Variants in BACH2 observed in about 807,000 individuals in gnomAD.
BACH2 encodes BACH transcriptional regulator 2.
Under a neutral mutation model 61.8 loss-of-function variants are expected in BACH2, and 5 were observed. The ratio of observed to expected loss-of-function variants is 0.08; its 90% CI spans 0.04 to 0.17. The LOEUF (loss-of-function observed/expected upper bound fraction) is 0.17. Among genes scored for constraint, BACH2 ranks in the 10% least tolerant of loss-of-function variants. The pLI is 1.00. For missense variants in BACH2, 824 were observed against 1,091.1 expected (o/e 0.76, Z 3.45); for synonymous variants, 446 against 440.1 (o/e 1.01, Z -0.17).
At chr6:90,225,952 C>T (rs559757540) in intron 3 of BACH2, among the ~76,000 whole-genome samples, 1 of 152,108 alleles carries the variant, frequency 6.6e-6, no homozygotes, top group Non-Finnish European at 1.5e-5. Context: ...CCTAAGGCCA[C>T]CAGCATTACC....
chr6:89,958,756 G>C (rs537190915), intron 6 of BACH2, among the ~76,000 whole-genome samples: 1 of 152,150 alleles, frequency 6.6e-6, no homozygotes, highest in South Asian at 2.1e-4. Context: ...AAGTGTTGAG[G>C]GCTGAGTTGA....
chr6:89,988,395 C>T (rs1776357160), intron 6 of BACH2, among the ~76,000 whole-genome samples: 1 of 152,100 alleles, frequency 6.6e-6, no homozygotes, highest in Non-Finnish European at 1.5e-5. Flanking sequence ...GCAGCCTGCC[C>T]CATCTTGTAT....
intron 6 of BACH2, among the ~76,000 whole-genome samples, chr6:89,995,356 T>C (rs1776787458): frequency 1.3e-5 from 2 of 152,118 alleles, no homozygotes; most frequent in South Asian, 4.1e-4. Flanking sequence ...CAAAGCTTTA[T>C]AAGGTCAAAT....
At chr6:90,078,266 A>G (rs1260967608) in intron 5 of BACH2, among the ~76,000 whole-genome samples, 2 of 152,174 alleles carry the variant, frequency 1.3e-5, no homozygotes, top group Admixed American at 6.6e-5. Context: ...AACGTACACC[A>G]GCAGGTACTA....
At chr6:90,097,353 A>G (rs1782422346) in intron 4 of BACH2, among the ~76,000 whole-genome samples, 1 of 152,204 alleles carries the variant, frequency 6.6e-6, no homozygotes, top group Non-Finnish European at 1.5e-5. Context: ...CCACTGTCTC[A>G]CTGTACTGTT....
chr6:90,175,545 G>A (rs1414829515), intron 4 of BACH2, among the ~76,000 whole-genome samples: 1 of 151,884 alleles, frequency 6.6e-6, no homozygotes, highest in African/African-American at 2.4e-5. Context: ...CCCTTCTTTT[G>A]AAAGAGAATT....
At chr6:90,022,520 G>A (rs1037333351) in intron 5 of BACH2, among the ~76,000 whole-genome samples, 1 of 152,196 alleles carries the variant, frequency 6.6e-6, no homozygotes, top group African/African-American at 2.4e-5. Context: ...GGAGGCAAAG[G>A]TTGCAGTGAG....
chr6:90,188,600 C>T (rs879375779), intron 4 of BACH2, among the ~76,000 whole-genome samples: 1 of 151,714 alleles, frequency 6.6e-6, no homozygotes, highest in African/African-American at 2.4e-5. Context: ...TCATTCATGA[C>T]CAAAAGACAC....
At chr6:90,217,706 T>G (rs2127854411) in intron 3 of BACH2, among the ~76,000 whole-genome samples, 1 of 152,258 alleles carries the variant, frequency 6.6e-6, no homozygotes, top group East Asian at 1.9e-4. Flanking sequence ...GTAAGCAAAT[T>G]TGAAGGAAAA....
intron 1 of BACH2, among the ~76,000 whole-genome samples, chr6:90,276,251 T>C (rs532134735): frequency 1.3e-5 from 2 of 152,346 alleles, no homozygotes; most frequent in African/African-American, 4.8e-5. Flanking sequence ...GTTCTTTTCA[T>C]TGAGGCCCAA....
intron 4 of BACH2, among the ~76,000 whole-genome samples, chr6:90,205,542 A>C (rs1011552850): frequency 2.0e-5 from 3 of 152,186 alleles, no homozygotes; most frequent in Non-Finnish European, 2.9e-5. Context: ...TTCAGAAGAC[A>C]GTCTCTCACT....
chr6:90,134,116 C>T (rs1305106618), intron 4 of BACH2, among the ~76,000 whole-genome samples: 2 of 152,190 alleles, frequency 1.3e-5, no homozygotes, highest in Admixed American at 1.3e-4. Flanking sequence ...AATCGCCACA[C>T]TGACTTCCAC....
chr6:90,000,382 A>G (rs867046113), intron 6 of BACH2, among the ~76,000 whole-genome samples: 16 of 152,132 alleles, frequency 1.1e-4, no homozygotes, highest in Admixed American at 4.6e-4. Context: ...AAATATTTTG[A>G]CTTCTTATTT....
chr6:90,130,459 T>C (rs1231835584), intron 4 of BACH2, among the ~76,000 whole-genome samples: 1 of 152,226 alleles, frequency 6.6e-6, no homozygotes, highest in Admixed American at 6.5e-5. Flanking sequence ...CTTTTACAAA[T>C]GTGGTTATCA....
intron 3 of BACH2, among the ~76,000 whole-genome samples, chr6:90,231,597 TC>T (rs1342207600): frequency 6.6e-6 from 1 of 152,228 alleles, no homozygotes; most frequent in Admixed American, 6.5e-5. Context: ...TTTCATGTCA[TC>T]CCTGGGCTGC....
At chr6:90,116,863 T>G (rs1783422226) in intron 4 of BACH2, 1 of 628,102 alleles carries the variant, frequency 1.6e-6, no homozygotes, top group Non-Finnish European at 2.4e-6. Flanking sequence ...CTTTGATATT[T>G]GATAGATGCC....
chr6:90,210,038 T>A (rs1008479468), intron 3 of BACH2, among the ~76,000 whole-genome samples: 5 of 152,124 alleles, frequency 3.3e-5, no homozygotes, highest in African/African-American at 1.2e-4. Context: ...GTAAATCTTT[T>A]AAAAAATATT....
At chr6:90,013,575 C>T (rs1490404917) in intron 5 of BACH2, among the ~76,000 whole-genome samples, 5 of 149,180 alleles carry the variant, frequency 3.4e-5, no homozygotes, top group African/African-American at 5.0e-5. Flanking sequence ...GGCGCGATCT[C>T]GGCTCACTGC....
chr6:90,264,947 C>T (rs1771276537), intron 2 of BACH2, among the ~76,000 whole-genome samples: 2 of 152,202 alleles, frequency 1.3e-5, no homozygotes, highest in Admixed American at 6.5e-5. Flanking sequence ...TACAAATATT[C>T]TTAAAAGGCT....
Sources: allele counts gnomAD v4.1 joint callset (sites outside exome capture counted in the v4.1 genomes callset), GRCh38; gene constraint gnomAD v4.1.1; transcripts MANE v1.5; gene names NCBI Gene and HGNC (gene_info 2026-07-23, HGNC 2026-07-21).